C9: variants seen among roughly 807,000 people sequenced by gnomAD.
C9 encodes complement C9, also known as complement component C9.
Under a neutral mutation model 65.4 loss-of-function variants are expected in C9, and 63 were observed. The observed-to-expected ratio is 0.96, with a 90% CI of 0.79 to 1.19. The LOEUF is 1.19. Among genes scored for constraint, C9 ranks in the 50% most tolerant of loss-of-function variants. The pLI is 0.00. For missense variants in C9, 744 were observed against 670.1 expected, an observed-to-expected ratio of 1.11 and a Z score of -1.22; for synonymous variants, 229 against 227.9, an observed-to-expected ratio of 1.00 and a Z score of -0.04.
At chr5:39,356,625 C>G (rs1754417106) in intron 1 of C9, among the ~76,000 whole-genome samples, 1 of 152,214 alleles carries the variant, frequency 6.6e-6, no homozygotes, top group African/African-American at 2.4e-5. Flanking sequence ...AGCTACCTGG[C>G]TCACTGGAAG....
At chr5:39,325,803 A>G (rs902174371) in intron 5 of C9, among the ~76,000 whole-genome samples, 4 of 150,902 alleles carry the variant, frequency 2.7e-5, no homozygotes, top group African/African-American at 9.7e-5. Context: ...TGCAATGATC[A>G]TGTGTATGTT....
chr5:39,348,189 G>A (rs1312789843), intron 1 of C9, among the ~76,000 whole-genome samples: 2 of 152,080 alleles, frequency 1.3e-5, no homozygotes, highest in Non-Finnish European at 2.9e-5. Context: ...TTAAACTAAA[G>A]AGCATCTGCA....
intron 5 of C9, among the ~76,000 whole-genome samples, chr5:39,323,066 G>A (rs10062300): frequency 0.03 from 4,493 of 152,002 alleles, 208 homozygotes; most frequent in African/African-American, 0.1. Context: ...TGAATAACCT[G>A]GAAGAGATGG....
At chr5:39,316,392 A>C (rs1485337281) in intron 5 of C9, among the ~76,000 whole-genome samples, 1 of 152,212 alleles carries the variant, frequency 6.6e-6, no homozygotes, top group African/African-American at 2.4e-5. Flanking sequence ...CAGGATGTGC[A>C]GGTTTGCTAC....
At chr5:39,356,005 C>T (rs1461916923) in intron 1 of C9, among the ~76,000 whole-genome samples, 1 of 152,162 alleles carries the variant, frequency 6.6e-6, no homozygotes, top group Non-Finnish European at 1.5e-5. Flanking sequence ...GTTAGAACTT[C>T]AACATATGAA....
In C9 at chr5:39,311,423, C is replaced by G. The variant is rs771832709; in HGVS notation, c.871-46G>C. ...AGAAGAGAAACATGTGTTTTATCCA[C>G]CATTTCAAATGAAAATTTATGAAAT... is the stretch of plus-strand genomic sequence containing the variant. On this transcript the variant is annotated intron_variant, in intron 6 of 10. Coordinates refer to ENST00000263408, the MANE Select transcript of C9 (RefSeq NM_001737.5). The G allele has an allele frequency of 6.9e-6, 11 of 1,592,902 alleles. No individual in the cohort carries two copies. In the African/African-American group the frequency reaches 1.2e-4, roughly 18 times the overall value.
rs150275549 is a variant in C9, at chr5:39,285,227, G to A, written c.1652C>T (p.Pro551Leu). The A allele has an allele frequency of 1.2e-6, 2 of 1,612,608 alleles. No homozygotes were observed. The highest frequency in any genetic ancestry group is 2.7e-5 in the African/African-American group (2 of 74,954). The change falls in exon 11 of 11, where the codon CCA becomes CTA. Residue 551 changes from proline (P) to leucine (L), a missense_variant. Transcript: ENST00000263408. The part of the protein sequence containing the change: ...ISKQKISEGL[P>L]ALEFPNEK ...TTTTTCATTGGGGAACTCTAGGGCT[G>A]GCAATCCTAGAGAAAACAAATAAGT...
intron 5 of C9, among the ~76,000 whole-genome samples, chr5:39,330,362 A>T (rs1373178854): frequency 6.6e-6 from 1 of 152,168 alleles, no homozygotes; most frequent in African/African-American, 2.4e-5. Context: ...TCCTTTCCAA[A>T]CGTGGCTTCA....
At chr5:39,330,017 C>G (rs1206869659) in intron 5 of C9, among the ~76,000 whole-genome samples, 1 of 152,134 alleles carries the variant, frequency 6.6e-6, no homozygotes, top group Non-Finnish European at 1.5e-5. Context: ...GAGGCCTTAG[C>G]CAACCCCTAT....
At chr5:39,332,335 C>T (rs1173958140) in intron 4 of C9, among the ~76,000 whole-genome samples, 1 of 152,178 alleles carries the variant, frequency 6.6e-6, no homozygotes, top group African/African-American at 2.4e-5. Context: ...TCAAGAACCT[C>T]ATTCCCTCCA....
chr5:39,355,916 C>T (rs1579882755), intron 1 of C9, among the ~76,000 whole-genome samples: 1 of 152,114 alleles, frequency 6.6e-6, no homozygotes, highest in African/African-American at 2.4e-5. Context: ...TTAAGGCCCA[C>T]CCTAATGACC....
intron 7 of C9, 112 bp downstream of exon 7, chr5:39,311,025 C>A (rs776745217): frequency 8.5e-6 from 10 of 1,172,160 alleles, no homozygotes; most frequent in Non-Finnish European, 1.3e-5. Flanking sequence ...CTCAAAGGAG[C>A]AGGTTACAGG....
intron 1 of C9, among the ~76,000 whole-genome samples, chr5:39,357,021 A>C (rs921201378): frequency 1.3e-5 from 2 of 152,238 alleles, no homozygotes; most frequent in Non-Finnish European, 2.9e-5. Flanking sequence ...AAAGTGATGT[A>C]CATCAACATG....
chr5:39,349,998 C>T (rs1486311394), intron 1 of C9, among the ~76,000 whole-genome samples: 1 of 152,092 alleles, frequency 6.6e-6, no homozygotes, highest in Admixed American at 6.5e-5. Flanking sequence ...TCTGTTCTCA[C>T]ATGGCTATAA....
At chr5:39,313,364 A>G (rs1753519926) in intron 6 of C9, among the ~76,000 whole-genome samples, 2 of 152,170 alleles carry the variant, frequency 1.3e-5, no homozygotes, top group African/African-American at 2.4e-5. Context: ...CCTAAAGCCT[A>G]TGATCACTTC....
In C9 at chr5:39,359,098, G is replaced by GTA. The variant is rs1375624632; in HGVS notation, c.77+5289_77+5290insTA. Among the ~76,000 whole-genome samples, 754 of 96,466 alleles carry GTA rather than the reference G, an allele frequency of 7.8e-3. 10 individuals are homozygous for GTA. Among genetic ancestry groups the GTA allele is most frequent in the South Asian group, 0.011 (36 of 3,220 alleles). The allele number at this position is 96,466 out of a possible 152,430, so 63.3% of individuals were successfully genotyped here. ...TGTGTGTATATATATATGTGTGTGT[G>GTA]TGTGTATATATATATATATATATAT... On this transcript the variant is annotated intron_variant, in intron 1 of 10. Transcript: ENST00000263408.
At position 39,337,943 on chromosome 5, in the gene C9, A is replaced by T. The variant is rs79872438; in HGVS notation, c.476+3203T>A. 3.3e-3 allele frequency among the ~76,000 whole-genome samples: 499 copies of T among 152,336 alleles called. 1 individual carries two copies. Among genetic ancestry groups the T allele is most frequent in the African/African-American group, 0.012 (489 of 41,574 alleles). On this transcript the variant is annotated intron_variant, in intron 4 of 10. Coordinates refer to ENST00000263408, the MANE Select transcript of C9 (RefSeq NM_001737.5). ...ATAGGACTTTTTGAGGTTGTCCAGA[A>T]TGAATTGGGTAGATGTAGTTTATAA...
chr5:39,317,108 C>CT (rs1579854124), intron 5 of C9, among the ~76,000 whole-genome samples: 1 of 152,082 alleles, frequency 6.6e-6, no homozygotes, highest in Non-Finnish European at 1.5e-5. Flanking sequence ...TGATGTTAAG[C>CT]TTTTTTTCAT....
chr5:39,310,167 G>C (rs1195117448), intron 7 of C9, among the ~76,000 whole-genome samples: 1 of 152,122 alleles, frequency 6.6e-6, no homozygotes. Flanking sequence ...TATCCATAAA[G>C]TATTTGCTGA....
Sources: allele counts gnomAD v4.1 joint callset (sites outside exome capture counted in the v4.1 genomes callset), GRCh38; gene constraint gnomAD v4.1.1; transcripts MANE v1.5; gene names NCBI Gene and HGNC (gene_info 2026-07-23, HGNC 2026-07-21).